The following FCHO2 variants were observed in gnomAD, a reference collection of about 807,000 sequenced individuals.
FCHO2 encodes the protein F-BAR domain only protein 2.
Under a neutral mutation model 114.1 loss-of-function variants are expected in FCHO2, and 43 were observed. The ratio of observed to expected loss-of-function variants is 0.38; its 90% confidence interval spans 0.30 to 0.49. The LOEUF is 0.49. Among genes scored for constraint, FCHO2 ranks in the 20% least tolerant of loss-of-function variants. FCHO2 has a pLI of 0.97. For synonymous variants in FCHO2, 293 were observed against 315.2 expected, an observed-to-expected ratio of 0.93 and a Z score of 0.75; for missense variants, 807 against 950.4, an observed-to-expected ratio of 0.85 and a Z score of 1.98.
intron 5 of FCHO2, among the ~76,000 whole-genome samples, chr5:73,000,288 C>T (rs186393745): frequency 2.0e-5 from 3 of 152,148 alleles, no homozygotes; most frequent in Non-Finnish European, 4.4e-5. Flanking sequence ...GCCTGGCCAA[C>T]GTAGTGAAAC....
intron 5 of FCHO2, among the ~76,000 whole-genome samples, chr5:73,003,498 G>C (rs1388340051): frequency 6.6e-6 from 1 of 152,068 alleles, no homozygotes; most frequent in Non-Finnish European, 1.5e-5. Context: ...TTGTAAAAGT[G>C]TATGCACAGT....
chr5:73,034,340 C>T, intron 8 of FCHO2: 1 of 251,592 alleles, frequency 4.0e-6, no homozygotes, highest in Non-Finnish European at 7.6e-6. Context: ...ATTAACAGTA[C>T]TGCCAGCTTC....
intron 5 of FCHO2, among the ~76,000 whole-genome samples, chr5:72,993,829 A>G (rs1211392146): frequency 6.6e-5 from 10 of 152,188 alleles, no homozygotes. Context: ...ACCTGAAGAT[A>G]ATAATGGAGC....
At chr5:73,033,416 A>G (rs1317556540) in intron 8 of FCHO2, among the ~76,000 whole-genome samples, 3 of 152,112 alleles carry the variant, frequency 2.0e-5, no homozygotes, top group Non-Finnish European at 2.9e-5. Flanking sequence ...CATTAAGACA[A>G]TATTTTTAGA....
intron 5 of FCHO2, among the ~76,000 whole-genome samples, chr5:73,003,064 G>A (rs1388162699): frequency 6.6e-6 from 1 of 152,064 alleles, no homozygotes; most frequent in African/African-American, 2.4e-5. Context: ...CTGGAGTGTG[G>A]TGGTATTATC....
At chr5:72,975,375 G>T (rs1224711369) in intron 2 of FCHO2, among the ~76,000 whole-genome samples, 2 of 152,182 alleles carry the variant, frequency 1.3e-5, no homozygotes, top group Non-Finnish European at 2.9e-5. Context: ...CACCCAGGCT[G>T]GAGTGCAGTG....
chr5:73,090,297 T>G lies in FCHO2; in HGVS notation c.*2207T>G, dbSNP rs886399201. On this transcript the variant is annotated 3_prime_UTR_variant, in exon 26 of 26. Coordinates refer to ENST00000430046, the MANE Select transcript of FCHO2 (RefSeq NM_138782.3). ...GAAATGTACCTAGCAAGCTGGTTCT[T>G]GCTTATATATAGTGATAAACTTTGT... The G allele has an allele frequency of 6.6e-6, 1 of 152,598 alleles. No individual in the cohort carries two copies. Among genetic ancestry groups the G allele is most frequent in the Non-Finnish European group, 1.5e-5 (1 of 67,992 alleles). The allele number at this position is 152,598 out of a possible 1,614,324, so 9.5% of individuals were successfully genotyped here.
At chr5:72,966,469 A>G (rs1287725870) in intron 1 of FCHO2, among the ~76,000 whole-genome samples, 1 of 152,192 alleles carries the variant, frequency 6.6e-6, no homozygotes, top group Non-Finnish European at 1.5e-5. Context: ...AATCTTAAAC[A>G]TGTAAAGTTG....
intron 11 of FCHO2, among the ~76,000 whole-genome samples, chr5:73,048,395 A>C (rs986616733): frequency 6.6e-6 from 1 of 152,114 alleles, no homozygotes; most frequent in African/African-American, 2.4e-5. Flanking sequence ...CAGTAAATTG[A>C]GATTGGGCCA....
chr5:73,056,298 T>C (rs1241772260), intron 16 of FCHO2, among the ~76,000 whole-genome samples, 191 bp downstream of exon 16: 2 of 152,206 alleles, frequency 1.3e-5, no homozygotes, highest in Non-Finnish European at 2.9e-5. Flanking sequence ...TGAACCTGCA[T>C]TGACACATCA....
chr5:73,069,708 G>C (rs1343207158), intron 19 of FCHO2, among the ~76,000 whole-genome samples: 1 of 151,938 alleles, frequency 6.6e-6, no homozygotes, highest in Non-Finnish European at 1.5e-5. Context: ...TGTGGCCTGG[G>C]GGTTGAGGAT....
At chr5:73,063,305 T>C (rs2112862327) in intron 17 of FCHO2, among the ~76,000 whole-genome samples, 1 of 152,054 alleles carries the variant, frequency 6.6e-6, no homozygotes, top group South Asian at 2.1e-4. Flanking sequence ...ATTTGGGGAA[T>C]TTTTTTTAGT....
intron 8 of FCHO2, among the ~76,000 whole-genome samples, chr5:73,020,301 C>A (rs1224720467): frequency 6.6e-6 from 1 of 152,154 alleles, no homozygotes; most frequent in Admixed American, 6.6e-5. Context: ...GATGAAGAAG[C>A]ATGGTGGCAT....
chr5:72,977,440 G>A (rs1278319799), intron 2 of FCHO2, among the ~76,000 whole-genome samples: 1 of 152,142 alleles, frequency 6.6e-6, no homozygotes, highest in South Asian at 2.1e-4. Flanking sequence ...AGAAGTGTCT[G>A]TTCATATACT....
intron 5 of FCHO2, chr5:72,997,492 C>A: frequency 6.7e-7 from 1 of 1,501,854 alleles, no homozygotes; most frequent in Non-Finnish European, 9.3e-7. Context: ...TTTACAGGAG[C>A]CATCCAGACA....
At chr5:73,049,762 A>T (rs1311168472) in intron 11 of FCHO2, among the ~76,000 whole-genome samples, 1 of 152,194 alleles carries the variant, frequency 6.6e-6, no homozygotes, top group East Asian at 1.9e-4. Flanking sequence ...ATATTTAGGC[A>T]ACTTCTGCTG....
intron 5 of FCHO2, among the ~76,000 whole-genome samples, chr5:73,006,223 C>A (rs1754706718): frequency 6.6e-6 from 1 of 152,042 alleles, no homozygotes; most frequent in African/African-American, 2.4e-5. Flanking sequence ...CACATTCCAT[C>A]AAACAGAAAA....
chr5:73,025,220 T>A (rs1285338826), intron 8 of FCHO2, among the ~76,000 whole-genome samples: 1 of 152,088 alleles, frequency 6.6e-6, no homozygotes, highest in Non-Finnish European at 1.5e-5. Flanking sequence ...TGTTTTTTTC[T>A]TTTTTGAGAC....
Position 73,012,344 on chromosome 5 carries a change from T to TG in FCHO2, c.601-3279dup, listed in dbSNP as rs1436430633. On this transcript the variant is annotated intron_variant, in intron 6 of 25. Transcript: ENST00000430046. ...ACTTTTAAAAATTAATGTAACAGGCTGGGTTTGGTGGCTCACGCCTGTAAT... is the reference window on the plus strand; with the variant it reads ...ACTTTTAAAAATTAATGTAACAGGCTGGGGTTTGGTGGCTCACGCCTGTAAT... Among the ~76,000 whole-genome samples the TG allele has an allele frequency of 9.2e-5, 14 of 151,978 alleles. 1 individual carries two copies. In the East Asian group the frequency reaches 2.7e-3, roughly 29 times the overall value.
Sources: allele counts gnomAD v4.1 joint callset (sites outside exome capture counted in the v4.1 genomes callset), GRCh38; gene constraint gnomAD v4.1.1; transcripts MANE v1.5; gene names NCBI Gene and HGNC (gene_info 2026-07-23, HGNC 2026-07-21).